The following ZMYM2 variants were observed in gnomAD, a reference collection of about 807,000 sequenced individuals.
The protein encoded by ZMYM2 is zinc finger MYM-type protein 2.
A neutral mutation model predicts 162.8 loss-of-function variants in ZMYM2; 56 were observed. The ratio of observed to expected loss-of-function variants is 0.34; its 90% CI spans 0.28 to 0.43. The LOEUF is 0.43. ZMYM2 is among the 20% of genes least tolerant of loss of function. The pLI, the probability that ZMYM2 is intolerant of heterozygous loss-of-function variation, is 1.00. For missense variants in ZMYM2, 1,275 were observed against 1,621.8 expected, an observed-to-expected ratio of 0.79 and a Z score of 3.67; for synonymous variants, 510 against 541.6, an observed-to-expected ratio of 0.94 and a Z score of 0.81.
chr13:19,950,147 G>T, the ZMYM2 span, among the ~76,000 whole-genome samples: 1 of 151,876 alleles, frequency 6.6e-6, no homozygotes, highest in Non-Finnish European at 1.5e-5. Flanking sequence ...GCTGGGTATG[G>T]TGGCACGTGC....
At chr13:20,015,805 T>C (rs1951575092) in intron 6 of ZMYM2, among the ~76,000 whole-genome samples, 1 of 152,124 alleles carries the variant, frequency 6.6e-6, no homozygotes, top group Non-Finnish European at 1.5e-5. Flanking sequence ...CCAACTCTCT[T>C]AGTTACTGTT....
the ZMYM2 span, among the ~76,000 whole-genome samples, chr13:19,885,896 T>TAC: frequency 2.1e-3 from 235 of 111,230 alleles, 57 homozygotes; most frequent in East Asian, 9.3e-3. Flanking sequence ...TATATGTGTA[T>TAC]ACACATATAT....
chr13:20,065,730 C>T (rs1461051994), intron 19 of ZMYM2, among the ~76,000 whole-genome samples: 1 of 152,132 alleles, frequency 6.6e-6, no homozygotes, highest in Non-Finnish European at 1.5e-5. Context: ...GAGCTATGAT[C>T]GTGCCACTGC....
At chr13:19,997,200 A>G (rs1020890163) in intron 3 of ZMYM2, among the ~76,000 whole-genome samples, 3 of 152,198 alleles carry the variant, frequency 2.0e-5, no homozygotes, top group Non-Finnish European at 4.4e-5. Flanking sequence ...AACTATTTAT[A>G]TAAGTTTTAA....
chr13:20,033,319 G>A (rs960565712), intron 10 of ZMYM2, among the ~76,000 whole-genome samples: 4 of 151,968 alleles, frequency 2.6e-5, no homozygotes, highest in African/African-American at 9.7e-5. Context: ...TTTACATGGA[G>A]GTTAAGTGTT....
chr13:20,075,958 A>T (rs1191062989), intron 21 of ZMYM2, among the ~76,000 whole-genome samples: 2 of 151,750 alleles, frequency 1.3e-5, no homozygotes, highest in Non-Finnish European at 2.9e-5. Flanking sequence ...AGCCTCCCAA[A>T]GTTCTAGGAT....
the ZMYM2 span, among the ~76,000 whole-genome samples, chr13:19,944,066 C>T: frequency 6.6e-6 from 1 of 152,114 alleles, no homozygotes; most frequent in Non-Finnish European, 1.5e-5. Flanking sequence ...GCCTAGTAGG[C>T]AGCCTTGGTA....
At position 20,079,334 on chromosome 13, in the gene ZMYM2, AAAAAAAAAAG is replaced by A. The variant is rs1368097614; in HGVS notation, c.3454-2681_3454-2672del. Among the ~76,000 whole-genome samples, 161 of 143,452 alleles carry A rather than the reference AAAAAAAAAAG, an allele frequency of 1.1e-3. 5 individuals carry two copies. The highest frequency in any genetic ancestry group is 3.9e-3 in the African/African-American group (154 of 39,804). 94.1% of individuals were successfully genotyped at this position (143,452 alleles called of 152,430 possible). ...TCTGTCTCAAAAAAAAAAAAAAAAA[AAAAAAAAAAG>A]GATACTTAATGAATTCAAATCCCAT... On this transcript the variant is annotated intron_variant, in intron 21 of 24. Coordinates refer to ENST00000610343, the MANE Select transcript of ZMYM2 (RefSeq NM_197968.4).
At chr13:20,001,156 C>T (rs542604392) in intron 3 of ZMYM2, among the ~76,000 whole-genome samples, 1 of 152,174 alleles carries the variant, frequency 6.6e-6, no homozygotes, top group South Asian at 2.1e-4. Flanking sequence ...CTTTGGGTGA[C>T]TGAGGCAAAT....
chr13:20,063,193 AG>A (rs1383113976), intron 18 of ZMYM2, among the ~76,000 whole-genome samples: 2 of 152,074 alleles, frequency 1.3e-5, no homozygotes, highest in African/African-American at 4.8e-5. Flanking sequence ...ACTTGAGTCC[AG>A]GAGTTCAAGA....
At chr13:20,000,802 CT>C (rs2139869704) in intron 3 of ZMYM2, among the ~76,000 whole-genome samples, 1 of 152,324 alleles carries the variant, frequency 6.6e-6, no homozygotes, top group South Asian at 2.1e-4. Flanking sequence ...GTAATTTTGA[CT>C]TTTAAGTCTT....
chr13:19,998,023 G>A (rs1950144697), intron 3 of ZMYM2, among the ~76,000 whole-genome samples: 1 of 152,122 alleles, frequency 6.6e-6, no homozygotes, highest in Non-Finnish European at 1.5e-5. Context: ...TAAGAATTGT[G>A]TTCCTGTTTA....
intron 2 of ZMYM2, among the ~76,000 whole-genome samples, chr13:19,960,988 A>G (rs1955145531): frequency 6.6e-6 from 1 of 152,202 alleles, no homozygotes; most frequent in Non-Finnish European, 1.5e-5. Context: ...GAGAATAGTA[A>G]CTTACATTAA....
At chr13:20,052,574 A>G (rs1390163186) in intron 14 of ZMYM2, among the ~76,000 whole-genome samples, 1 of 152,152 alleles carries the variant, frequency 6.6e-6, no homozygotes, top group Non-Finnish European at 1.5e-5. Context: ...TGTTTCCATA[A>G]TAGATGCATC....
At chr13:19,941,720 C>CTTTTTTTTTTT in the ZMYM2 span, among the ~76,000 whole-genome samples, 1 of 63,002 alleles carries the variant, frequency 1.6e-5, no homozygotes, top group African/African-American at 6.5e-5. Flanking sequence ...TGGCTTTCTG[C>CTTTTTTTTTTT]TTTTTTTTTT....
At chr13:19,923,155 G>T in the ZMYM2 span, among the ~76,000 whole-genome samples, 1 of 149,000 alleles carries the variant, frequency 6.7e-6, no homozygotes, top group Non-Finnish European at 1.5e-5. Context: ...ACTTGAACAT[G>T]GCCAACATGG....
At chr13:19,962,515 ATTTTTTT>A (rs1166788980) in intron 2 of ZMYM2, among the ~76,000 whole-genome samples, 5 of 38,912 alleles carry the variant, frequency 1.3e-4, no homozygotes, top group African/African-American at 3.2e-4. Context: ...ATATATATAT[ATTTTTTT>A]TTTTTTTTTT....
chr13:20,081,603 T>G lies in ZMYM2; in HGVS notation c.3454-413T>G, dbSNP rs945367409. On this transcript the variant is annotated intron_variant, in intron 21 of 24. Transcript: ENST00000610343. Reference sequence around the variant, plus strand: ...CCTCTCATTCTTACCACTCAGTGTTTTTCTTTAGTCATTACCTTAATTATA... The same window carrying G: ...CCTCTCATTCTTACCACTCAGTGTTGTTCTTTAGTCATTACCTTAATTATA... 2.6e-5 allele frequency among the ~76,000 whole-genome samples: 4 copies of G among 152,178 alleles called. No homozygotes were observed. The East Asian group carries it at 7.7e-4, about 29-fold the overall frequency.
At chr13:20,075,344 T>A (rs1486082168) in intron 21 of ZMYM2, among the ~76,000 whole-genome samples, 2 of 152,208 alleles carry the variant, frequency 1.3e-5, no homozygotes, top group Non-Finnish European at 2.9e-5. Flanking sequence ...ACTTCTGTTT[T>A]GTACATTGAA....
Sources: allele counts gnomAD v4.1 joint callset (sites outside exome capture counted in the v4.1 genomes callset), GRCh38; gene constraint gnomAD v4.1.1; transcripts MANE v1.5; gene names NCBI Gene and HGNC (gene_info 2026-07-23, HGNC 2026-07-21).